SRFBP1: variants seen among roughly 807,000 people sequenced by gnomAD.
SRFBP1 encodes serum response factor-binding protein 1.
In SRFBP1, 47 loss-of-function variants were observed where a neutral mutation model predicts 45.5. The observed-to-expected ratio is 1.03, with a 90% CI of 0.82 to 1.32. The LOEUF is 1.32. Ranked by LOEUF, SRFBP1 falls within the 40% of genes most tolerant of loss-of-function variation. The pLI, the probability that SRFBP1 is intolerant of heterozygous loss-of-function variation, is 0.00. For synonymous variants in SRFBP1, 203 were observed against 166.3 expected (o/e 1.22, Z -1.70); for missense variants, 621 against 484.6 (o/e 1.28, Z -2.64).
chr5:122,036,041 A>T (rs77390623), intron 2 of SRFBP1, among the ~76,000 whole-genome samples: 6,726 of 152,316 alleles, frequency 0.044, 175 homozygotes, highest in African/African-American at 0.06. Context: ...GAATACAAGT[A>T]TACAGGAAGG....
intron 3 of SRFBP1, among the ~76,000 whole-genome samples, chr5:121,981,662 A>G (rs755460400): frequency 6.6e-6 from 1 of 151,398 alleles, no homozygotes; most frequent in Non-Finnish European, 1.5e-5. Context: ...CTCCCACCTG[A>G]ATAAACATTT....
intron 2 of SRFBP1, among the ~76,000 whole-genome samples, chr5:122,057,834 A>G (rs1275659908): frequency 6.6e-6 from 1 of 150,570 alleles, no homozygotes; most frequent in Non-Finnish European, 1.5e-5. Flanking sequence ...ATGCACCACT[A>G]CTCCTGACTA....
intron 2 of SRFBP1, among the ~76,000 whole-genome samples, chr5:122,056,575 C>G (rs146561232): frequency 6.6e-5 from 10 of 152,208 alleles, no homozygotes; most frequent in African/African-American, 2.4e-4. Context: ...GAACCTGGAG[C>G]TATTTATTGC....
At chr5:122,003,346 G>GAAAAAAAA (rs11300712) in intron 4 of SRFBP1, among the ~76,000 whole-genome samples, 1 of 106,130 alleles carries the variant, frequency 9.4e-6, no homozygotes, top group African/African-American at 3.1e-5. Context: ...CTGTCTCAGA[G>GAAAAAAAA]AAAAAAAAAA....
At chr5:122,004,908 A>T (rs1752946137) in intron 4 of SRFBP1, among the ~76,000 whole-genome samples, 1 of 152,154 alleles carries the variant, frequency 6.6e-6, no homozygotes. Context: ...TTGACTTATT[A>T]GTTGTACAGG....
At chr5:122,077,687 G>C (rs753299307), downstream of SRFBP1, 1 of 1,600,220 alleles carries the variant, frequency 6.2e-7, no homozygotes, top group East Asian at 2.2e-5. The surrounding 1 kb of genome is among the most constrained non-coding windows in gnomAD (Gnocchi z 4.9). Context: ...TCGCGCCGCG[G>C]CGGTGCGGTT....
At position 122,027,310 on chromosome 5, in the gene SRFBP1, G is replaced by A; in HGVS notation, c.*184G>A. On this transcript the variant is annotated 3_prime_UTR_variant, in exon 8 of 8. Coordinates refer to ENST00000339397, the MANE Select transcript of SRFBP1 (RefSeq NM_152546.3). ...CAAAGGGCTGGGACTGCAGGTGCAT[G>A]CACTACCATGCCCAGCTTTCTCACC... is the stretch of plus-strand genomic sequence containing the variant. 1 of 446,694 alleles carries A rather than the reference G, an allele frequency of 2.2e-6. No individual in the cohort carries two copies. The highest frequency in any genetic ancestry group is 4.0e-6 in the Non-Finnish European group (1 of 251,062). The allele number at this position is 446,694 out of a possible 1,614,324, so 27.7% of individuals were successfully genotyped here. A position where few individuals can be genotyped will look rare whatever the true frequency, so the allele number is the denominator to read the frequency against.
chr5:122,018,690 G>T (rs7718305), intron 4 of SRFBP1, among the ~76,000 whole-genome samples: 1,606 of 152,134 alleles, frequency 0.011, 29 homozygotes, highest in African/African-American at 0.036. Flanking sequence ...GTCATTAGCC[G>T]GCATTATGAT....
chr5:122,072,522 A>C (rs1452000193), intron 2 of SRFBP1, among the ~76,000 whole-genome samples: 2 of 152,212 alleles, frequency 1.3e-5, no homozygotes, highest in Non-Finnish European at 2.9e-5. Context: ...AATATGTAAA[A>C]GTATAAATCT....
intron 1 of SRFBP1, among the ~76,000 whole-genome samples, chr5:121,966,904 C>G (rs995718696): frequency 6.6e-6 from 1 of 150,920 alleles, no homozygotes; most frequent in East Asian, 1.9e-4. Context: ...CTCAGCCTCC[C>G]GACTAGCTGG....
At chr5:122,057,458 TCTGTGTG>T (rs1189295982) in intron 2 of SRFBP1, among the ~76,000 whole-genome samples, 30 of 48,228 alleles carry the variant, frequency 6.2e-4, no homozygotes, top group South Asian at 1.1e-3. Context: ...TGTTCTCAGT[TCTGTGTG>T]TGTGTGTGTG....
downstream of SRFBP1, chr5:122,077,072 C>T: frequency 1.3e-6 from 2 of 1,585,464 alleles, no homozygotes; most frequent in African/African-American, 1.3e-5. This position sits in a 1 kb window ranked among gnomAD's most constrained non-coding sequence, Gnocchi z 4.9. Context: ...CCCTACCCCT[C>T]TAGGTCCCTT....
chr5:122,011,212 T>C (rs911755060), intron 4 of SRFBP1, among the ~76,000 whole-genome samples: 10 of 152,156 alleles, frequency 6.6e-5, no homozygotes, highest in African/African-American at 2.2e-4. Context: ...TTTGGGTTAT[T>C]TACATTCTGA....
intron 2 of SRFBP1, among the ~76,000 whole-genome samples, chr5:122,038,462 A>T (rs1053007442): frequency 6.6e-6 from 1 of 152,182 alleles, no homozygotes; most frequent in African/African-American, 2.4e-5. Flanking sequence ...GGAAAATGAA[A>T]TGTTATTAGT....
At chr5:121,975,779 G>T (rs1168507352) in intron 3 of SRFBP1, among the ~76,000 whole-genome samples, 2 of 151,866 alleles carry the variant, frequency 1.3e-5, no homozygotes, top group East Asian at 1.9e-4. Flanking sequence ...TTTCCTTGTT[G>T]CCAGCTCAAT....
intron 2 of SRFBP1, among the ~76,000 whole-genome samples, chr5:122,036,134 C>T (rs190448961): frequency 6.2e-4 from 94 of 152,300 alleles, no homozygotes; most frequent in Non-Finnish European, 1.1e-3. Context: ...TTGGTCAGCT[C>T]CTGGGAGATG....
At chr5:121,962,160 G>T in intron 1 of SRFBP1, 92 bp downstream of exon 1, 1 of 1,520,942 alleles carries the variant, frequency 6.6e-7, no homozygotes, top group Non-Finnish European at 9.0e-7. Context: ...TAGAGGGTGC[G>T]GTTGGAGGAA....
chr5:122,007,376 T>C (rs561275107), intron 4 of SRFBP1, among the ~76,000 whole-genome samples: 2 of 151,060 alleles, frequency 1.3e-5, no homozygotes, highest in African/African-American at 2.4e-5. Flanking sequence ...CCTGGTACCA[T>C]GGGGGCTGGC....
chr5:122,030,295 A>T (rs1753568480), downstream of SRFBP1, among the ~76,000 whole-genome samples: 1 of 152,238 alleles, frequency 6.6e-6, no homozygotes, highest in South Asian at 2.1e-4. Flanking sequence ...CTAAATCTTG[A>T]TAAGAACAGG....
Sources: allele counts gnomAD v4.1 joint callset (sites outside exome capture counted in the v4.1 genomes callset), GRCh38; gene constraint gnomAD v4.1.1; non-coding constraint Gnocchi (gnomAD v3.1); transcripts MANE v1.5; gene names NCBI Gene and HGNC (gene_info 2026-07-23, HGNC 2026-07-21).